Variants in ZNF385D observed in about 807,000 individuals in gnomAD.
ZNF385D encodes the protein zinc finger protein 659.
A neutral mutation model predicts 35.8 loss-of-function variants in ZNF385D; 15 were observed. That is an observed-to-expected ratio of 0.42 (90% CI 0.28 to 0.64). The LOEUF (loss-of-function observed/expected upper bound fraction) is 0.64. Among genes scored for constraint, ZNF385D ranks in the 30% least tolerant of loss-of-function variants. The probability of loss-of-function intolerance (pLI) is 0.23; values close to 1 mark genes in which losing one functional copy is unlikely to be tolerated. For synonymous variants in ZNF385D, 212 were observed against 186.8 expected, an observed-to-expected ratio of 1.13 and a Z score of -1.10; for missense variants, 474 against 494.6, an observed-to-expected ratio of 0.96 and a Z score of 0.39.
intron 4 of ZNF385D, among the ~76,000 whole-genome samples, chr3:21,460,676 A>G (rs1045401318): frequency 6.6e-6 from 1 of 151,616 alleles, no homozygotes; most frequent in Non-Finnish European, 1.5e-5. Flanking sequence ...ATCATTTTCT[A>G]TTCACTACAA....
chr3:22,286,931 T>G (rs1702055002), intron 2 of ZNF385D, among the ~76,000 whole-genome samples: 1 of 152,082 alleles, frequency 6.6e-6, no homozygotes, highest in Admixed American at 6.6e-5. Flanking sequence ...GTTTCTGTAT[T>G]AATTTTCTGT....
chr3:21,824,746 A>G (rs961133641), intron 3 of ZNF385D, among the ~76,000 whole-genome samples: 1 of 152,164 alleles, frequency 6.6e-6, no homozygotes, highest in Non-Finnish European at 1.5e-5. Context: ...AAAAAAAATT[A>G]GTTACACTTA....
chr3:22,082,848 C>T lies in ZNF385D; in HGVS notation c.325+85969G>A, dbSNP rs184985556. On this transcript the variant is annotated intron_variant, in intron 3 of 5. Coordinates refer to the ZNF385D transcript ENST00000494108. ...AGCAAGATGCCCCTCTGAGACGAAG[C>T]TTCCAGAAGAAGGATCAGGCAGCAA... 2.0e-5 allele frequency among the ~76,000 whole-genome samples: 3 copies of T among 152,288 alleles called. No homozygotes were observed. The East Asian group carries it at 5.8e-4, about 30-fold the overall frequency.
At chr3:21,513,290 C>A (rs1707343421) in intron 3 of ZNF385D, among the ~76,000 whole-genome samples, 1 of 152,160 alleles carries the variant, frequency 6.6e-6, no homozygotes, top group Non-Finnish European at 1.5e-5. Flanking sequence ...ACAACTAAAC[C>A]AATTCCCTCT....
chr3:21,626,617 C>G (rs1467926491), intron 2 of ZNF385D, among the ~76,000 whole-genome samples: 1 of 152,018 alleles, frequency 6.6e-6, no homozygotes, highest in Non-Finnish European at 1.5e-5. Flanking sequence ...CCAGCCTTGG[C>G]TACTGCAGTT....
intron 3 of ZNF385D, among the ~76,000 whole-genome samples, chr3:22,139,796 G>A (rs1162133825): frequency 6.6e-6 from 1 of 152,046 alleles, no homozygotes; most frequent in African/African-American, 2.4e-5. Flanking sequence ...TCATTAAGTA[G>A]AGATATAAGT....
intron 2 of ZNF385D, among the ~76,000 whole-genome samples, chr3:22,225,502 C>T (rs777377529): frequency 4.2e-4 from 64 of 152,150 alleles, no homozygotes; most frequent in Non-Finnish European, 7.9e-4. Flanking sequence ...TATAAATATC[C>T]GTTAGTATGG....
chr3:22,086,586 G>C (rs1418358113), intron 3 of ZNF385D, among the ~76,000 whole-genome samples: 2 of 152,180 alleles, frequency 1.3e-5, no homozygotes, highest in Non-Finnish European at 2.9e-5. Context: ...CATGCTCATA[G>C]ATAGGAAGAA....
chr3:21,699,641 A>G (rs2067599854), intron 1 of ZNF385D, among the ~76,000 whole-genome samples: 1 of 152,106 alleles, frequency 6.6e-6, no homozygotes, highest in African/African-American at 2.4e-5. Flanking sequence ...GAAAAAGGGA[A>G]TATAAAACAT....
At chr3:21,667,455 C>G (rs2066442683) in intron 1 of ZNF385D, among the ~76,000 whole-genome samples, 1 of 152,184 alleles carries the variant, frequency 6.6e-6, no homozygotes, top group South Asian at 2.1e-4. Context: ...AGCCACCATG[C>G]CCGGCCCTAA....
At chr3:22,301,241 G>A (rs922427601) in intron 2 of ZNF385D, among the ~76,000 whole-genome samples, 1 of 151,980 alleles carries the variant, frequency 6.6e-6, no homozygotes, top group African/African-American at 2.4e-5. Flanking sequence ...TGGACTCACA[G>A]AAACAAAGAG....
intron 3 of ZNF385D, among the ~76,000 whole-genome samples, chr3:21,770,990 C>T (rs1343274300): frequency 1.4e-5 from 2 of 146,928 alleles, no homozygotes; most frequent in South Asian, 2.2e-4. Context: ...GTTGCAAGGA[C>T]AAAAAAGCCA....
chr3:22,256,411 ATATT>A (rs1389689003), intron 2 of ZNF385D, among the ~76,000 whole-genome samples: 5 of 151,706 alleles, frequency 3.3e-5, no homozygotes, highest in Non-Finnish European at 2.9e-5. Flanking sequence ...TCTGATTATC[ATATT>A]TAAAGATTAA....
At chr3:21,740,843 A>C (rs752409721) in intron 1 of ZNF385D, among the ~76,000 whole-genome samples, 1 of 152,184 alleles carries the variant, frequency 6.6e-6, no homozygotes, top group Non-Finnish European at 1.5e-5. Context: ...GCTGTCCTTC[A>C]TAATTAACTG....
chr3:21,749,335 A>G (rs1432206275), intron 1 of ZNF385D, among the ~76,000 whole-genome samples: 3 of 152,200 alleles, frequency 2.0e-5, no homozygotes, highest in Non-Finnish European at 4.4e-5. Flanking sequence ...GCCTTTGACC[A>G]GTACTTTTAG....
intron 3 of ZNF385D, among the ~76,000 whole-genome samples, chr3:21,827,205 T>A (rs1575730732): frequency 6.6e-6 from 1 of 152,328 alleles, no homozygotes; most frequent in South Asian, 2.1e-4. Flanking sequence ...AATATTTATG[T>A]CACACCTCCC....
At chr3:22,090,344 T>C (rs1701265956) in intron 3 of ZNF385D, among the ~76,000 whole-genome samples, 1 of 152,124 alleles carries the variant, frequency 6.6e-6, no homozygotes, top group African/African-American at 2.4e-5. Context: ...TCACAATTAA[T>C]TAATCAAACT....
At chr3:21,970,264 T>A (rs1003634726) in intron 3 of ZNF385D, among the ~76,000 whole-genome samples, 1 of 152,124 alleles carries the variant, frequency 6.6e-6, no homozygotes, top group Non-Finnish European at 1.5e-5. Context: ...CAGAGATATG[T>A]GACTAATAAT....
Position 21,580,309 on chromosome 3 carries a change from A to T in ZNF385D, c.166-15625T>A, listed in dbSNP as rs553201565. 5.9e-5 allele frequency among the ~76,000 whole-genome samples: 9 copies of T among 152,306 alleles called. No individual in the cohort carries two copies. In the South Asian group the frequency reaches 1.7e-3, roughly 28 times the overall value. ...GCTCAAGGAATTAAAGTGTTCAGAG[A>T]TGAGGAGAATAGACTTGAAATAAGT... On this transcript the variant is annotated intron_variant, in intron 2 of 7. Transcript: ENST00000281523.
Sources: allele counts gnomAD v4.1 joint callset (sites outside exome capture counted in the v4.1 genomes callset), GRCh38; gene constraint gnomAD v4.1.1; transcripts MANE v1.5; gene names NCBI Gene and HGNC (gene_info 2026-07-23, HGNC 2026-07-21).